The following CHRM3 variants were observed in gnomAD, a reference collection of about 807,000 sequenced individuals.
The protein encoded by CHRM3 is cholinergic receptor muscarinic 3.
CHRM3 carries 11 observed loss-of-function variants against 41.8 expected under a neutral mutation model. The ratio of observed to expected loss-of-function variants is 0.26; its 90% confidence interval spans 0.17 to 0.44. CHRM3 has a LOEUF of 0.44. CHRM3 is among the 20% of genes least tolerant of loss of function. The pLI, the probability that CHRM3 is intolerant of heterozygous loss-of-function variation, is 1.00. For synonymous variants in CHRM3, 297 were observed against 301.4 expected, an observed-to-expected ratio of 0.99 and a Z score of 0.15; for missense variants, 571 against 745.4, an observed-to-expected ratio of 0.77 and a Z score of 2.72.
chr1:239,729,027 A>G (rs191273660), intron 5 of CHRM3, among the ~76,000 whole-genome samples: 5 of 152,004 alleles, frequency 3.3e-5, no homozygotes, highest in African/African-American at 9.6e-5. Flanking sequence ...TTATTACAAT[A>G]CTAATACTCA....
chr1:239,684,854 G>A (rs999833335), intron 5 of CHRM3, among the ~76,000 whole-genome samples: 3 of 152,064 alleles, frequency 2.0e-5, no homozygotes, highest in African/African-American at 7.2e-5. Flanking sequence ...TGGGACAGTG[G>A]ATGGAGAGAG....
intron 5 of CHRM3, among the ~76,000 whole-genome samples, chr1:239,774,392 A>G (rs1558110294): frequency 6.6e-6 from 1 of 152,192 alleles, no homozygotes; most frequent in East Asian, 1.9e-4. Flanking sequence ...TCAGAACAAT[A>G]GGAGTTCCTG....
intron 5 of CHRM3, among the ~76,000 whole-genome samples, chr1:239,821,865 G>C (rs139920901): frequency 3.3e-5 from 5 of 152,146 alleles, no homozygotes; most frequent in Non-Finnish European, 5.9e-5. Flanking sequence ...CATGGGGTCA[G>C]TTTCCTCCAT....
intron 6 of CHRM3, among the ~76,000 whole-genome samples, chr1:239,838,001 T>C (rs1011056321): frequency 5.9e-5 from 9 of 152,192 alleles, no homozygotes; most frequent in African/African-American, 2.2e-4. Context: ...AAAAACACTT[T>C]ATGGAATTTT....
At chr1:239,424,426 G>T (rs753330422) in intron 1 of CHRM3, among the ~76,000 whole-genome samples, 4 of 152,128 alleles carry the variant, frequency 2.6e-5, no homozygotes, top group Non-Finnish European at 5.9e-5. Context: ...GGTCACCTCA[G>T]GAATGGGAAC....
At chr1:239,770,440 G>C (rs1323106960) in intron 5 of CHRM3, among the ~76,000 whole-genome samples, 1 of 152,130 alleles carries the variant, frequency 6.6e-6, no homozygotes, top group South Asian at 2.1e-4. Flanking sequence ...GTTTAACTTG[G>C]GATTTGAGGA....
At chr1:239,419,837 A>C (rs1661804075) in intron 1 of CHRM3, among the ~76,000 whole-genome samples, 1 of 152,198 alleles carries the variant, frequency 6.6e-6, no homozygotes, top group Non-Finnish European at 1.5e-5. Flanking sequence ...GGGAACCATC[A>C]AACTGAACAA....
intron 4 of CHRM3, among the ~76,000 whole-genome samples, chr1:239,671,304 G>A (rs144463874): frequency 7.3e-4 from 111 of 152,292 alleles, no homozygotes; most frequent in African/African-American, 2.6e-3. Context: ...CAGGCTGGGC[G>A]CAGTGGCTCA....
chr1:239,499,321 A>T (rs1367075547), intron 2 of CHRM3, among the ~76,000 whole-genome samples: 1 of 152,152 alleles, frequency 6.6e-6, no homozygotes, highest in Admixed American at 6.6e-5. Flanking sequence ...TTCACAGGGG[A>T]TAGTATTTGA....
At chr1:239,407,017 T>C (rs1248554388) in intron 1 of CHRM3, among the ~76,000 whole-genome samples, 1 of 150,862 alleles carries the variant, frequency 6.6e-6, no homozygotes, top group Admixed American at 6.6e-5. Flanking sequence ...AAGGTCTAAA[T>C]AGAGAAGAAG....
rs957445431 is a variant in CHRM3, at chr1:239,404,450, G to T, written c.-521+17223G>T. ...AGAAAGAAAGAAAGAAAGAAAGAAA[G>T]AAAGAAAGAAAGAAAGAAAAAGAAA... is the stretch of plus-strand genomic sequence containing the variant. On this transcript the variant is annotated intron_variant, in intron 1 of 6. Coordinates refer to ENST00000676153, the MANE Select transcript of CHRM3 (RefSeq NM_001375978.1). Among the ~76,000 whole-genome samples the T allele has an allele frequency of 1.5e-4, 20 of 137,690 alleles. No homozygotes were observed. The Admixed American group carries it at 1.5e-3, about 10-fold the overall frequency. The allele number at this position is 137,690 out of a possible 152,430, so 90.3% of individuals were successfully genotyped here.
chr1:239,550,789 G>T (rs1292972976), intron 3 of CHRM3, among the ~76,000 whole-genome samples: 1 of 152,082 alleles, frequency 6.6e-6, no homozygotes, highest in African/African-American at 2.4e-5. Context: ...CCCTAGGTGG[G>T]CTAGAAAATT....
intron 1 of CHRM3, among the ~76,000 whole-genome samples, chr1:239,485,237 G>C (rs1394087117): frequency 6.6e-6 from 1 of 152,138 alleles, no homozygotes; most frequent in Non-Finnish European, 1.5e-5. Flanking sequence ...CCAAAGGGGA[G>C]ACCCTACTCA....
At chr1:239,611,264 TC>T (rs535290584) in intron 3 of CHRM3, among the ~76,000 whole-genome samples, 17 of 152,214 alleles carry the variant, frequency 1.1e-4, no homozygotes, top group African/African-American at 3.9e-4. Context: ...ACTGGAAACA[TC>T]TAAAAATTGT....
At chr1:239,669,100 G>T (rs1674104442) in intron 4 of CHRM3, among the ~76,000 whole-genome samples, 1 of 152,102 alleles carries the variant, frequency 6.6e-6, no homozygotes, top group African/African-American at 2.4e-5. Flanking sequence ...TTGATCCTTG[G>T]TGCCGGGGCT....
At chr1:239,655,678 C>A (rs144015429) in intron 4 of CHRM3, among the ~76,000 whole-genome samples, 47 of 152,292 alleles carry the variant, frequency 3.1e-4, no homozygotes, top group African/African-American at 1.1e-3. Flanking sequence ...GACTTTTCAT[C>A]TCTAAAGTTA....
At chr1:239,423,248 A>C (rs1018690826) in intron 1 of CHRM3, among the ~76,000 whole-genome samples, 1 of 152,226 alleles carries the variant, frequency 6.6e-6, no homozygotes, top group Admixed American at 6.5e-5. Flanking sequence ...TATGTACAGC[A>C]GGTGTGCAAT....
At position 239,729,766 on chromosome 1, in the gene CHRM3, A is replaced by G. The variant is rs560310286; in HGVS notation, c.-147+51478A>G. Among the ~76,000 whole-genome samples the G allele has an allele frequency of 1.2e-4, 18 of 151,048 alleles. No homozygotes were observed. The South Asian group carries it at 2.9e-3, about 24-fold the overall frequency. ...GTGATGTTACAAATCATGCATTGGT[A>G]AAAGATTCATTCAAAATACAACAGG... On this transcript the variant is annotated intron_variant, in intron 5 of 6. Coordinates refer to ENST00000676153, the MANE Select transcript of CHRM3 (RefSeq NM_001375978.1).
At chr1:239,521,705 A>G (rs185268501) in intron 2 of CHRM3, among the ~76,000 whole-genome samples, 242 of 152,306 alleles carry the variant, frequency 1.6e-3, no homozygotes, top group African/African-American at 5.3e-3. Context: ...AGGTACAGCC[A>G]GCCTTCCATA....
Sources: allele counts gnomAD v4.1 joint callset (sites outside exome capture counted in the v4.1 genomes callset), GRCh38; gene constraint gnomAD v4.1.1; transcripts MANE v1.5; gene names NCBI Gene and HGNC (gene_info 2026-07-23, HGNC 2026-07-21).